The following SNX29 variants were observed in gnomAD, a reference collection of about 807,000 sequenced individuals.
SNX29 encodes the protein sorting nexin 29, also known as sorting nexin-29.
In SNX29, 78 loss-of-function variants were observed where a neutral mutation model predicts 102.1. The ratio of observed to expected loss-of-function variants is 0.76; its 90% CI spans 0.64 to 0.92. The LOEUF (loss-of-function observed/expected upper bound fraction) is 0.92. Among genes scored for constraint, SNX29 ranks in the 40% least tolerant of loss-of-function variants. SNX29 has a pLI of 0.00. For synonymous variants in SNX29, 580 were observed against 414.5 expected (o/e 1.40, Z -4.85); for missense variants, 1,280 against 1,061.7 (o/e 1.21, Z -2.86).
At chr16:12,411,444 C>G (rs1422478417) in intron 18 of SNX29, among the ~76,000 whole-genome samples, 1 of 152,190 alleles carries the variant, frequency 6.6e-6, no homozygotes, top group East Asian at 1.9e-4. Flanking sequence ...CCCAGGAAAG[C>G]CTGATGTAGG....
At position 12,540,117 on chromosome 16, in the gene SNX29, C is replaced by T. The variant is rs75625366; in HGVS notation, c.2318+15276C>T. On this transcript the variant is annotated intron_variant, in intron 20 of 20. Coordinates refer to ENST00000566228, the MANE Select transcript of SNX29 (RefSeq NM_032167.5). Reference sequence around the variant, plus strand: ...CCTAAACCCAGGTCATAAAGATTTTCTCCTAGGTTTTCCTCAAAGTTTTAT... The same window carrying T: ...CCTAAACCCAGGTCATAAAGATTTTTTCCTAGGTTTTCCTCAAAGTTTTAT... 3.7e-4 allele frequency among the ~76,000 whole-genome samples: 57 copies of T among 152,296 alleles called. 3 individuals are homozygous for T. The East Asian group carries it at 8.1e-3, about 22-fold the overall frequency.
intron 13 of SNX29, among the ~76,000 whole-genome samples, chr16:12,158,196 A>T (rs1408417067): frequency 1.3e-5 from 2 of 151,034 alleles, no homozygotes; most frequent in African/African-American, 4.9e-5. Flanking sequence ...TAATTTTTTT[A>T]ATTTTTTTAT....
intron 14 of SNX29, among the ~76,000 whole-genome samples, chr16:12,221,078 C>T (rs1008677098): frequency 4.6e-5 from 7 of 152,120 alleles, no homozygotes; most frequent in Non-Finnish European, 8.8e-5. Flanking sequence ...GTTTGTAGTT[C>T]TTGCCCATAT....
At chr16:12,043,707 A>C (rs2049977273) in intron 5 of SNX29, among the ~76,000 whole-genome samples, 1 of 151,638 alleles carries the variant, frequency 6.6e-6, no homozygotes, top group African/African-American at 2.4e-5. Context: ...AACTGAAAAA[A>C]ACATGGAAAT....
intron 11 of SNX29, among the ~76,000 whole-genome samples, chr16:12,102,501 A>G (rs1401838749): frequency 1.3e-5 from 2 of 152,106 alleles, no homozygotes; most frequent in Non-Finnish European, 2.9e-5. Context: ...TTTGATTTGC[A>G]TTTCTCTAAT....
intron 20 of SNX29, chr16:12,561,277 C>G (rs1414213570): frequency 4.3e-6 from 1 of 230,274 alleles, no homozygotes; most frequent in Non-Finnish European, 8.6e-6. Context: ...GGGGCTAAGA[C>G]ACAGGGAGAA....
At chr16:12,568,396 A>C (rs2079103777) in intron 20 of SNX29, 110 bp from the exon 21 acceptor site, 1 of 1,427,074 alleles carries the variant, frequency 7.0e-7, no homozygotes, top group Non-Finnish European at 9.5e-7. Context: ...TGAGCCAGTC[A>C]CAGTTGCCAA....
At chr16:12,536,691 C>T (rs1047005323) in intron 20 of SNX29, among the ~76,000 whole-genome samples, 1 of 152,100 alleles carries the variant, frequency 6.6e-6, no homozygotes, top group Non-Finnish European at 1.5e-5. Context: ...AAGAGGTGTT[C>T]AGGGGGCTGG....
intron 20 of SNX29, among the ~76,000 whole-genome samples, chr16:12,544,888 C>T (rs1478327720): frequency 6.6e-6 from 1 of 152,194 alleles, no homozygotes; most frequent in Non-Finnish European, 1.5e-5. Flanking sequence ...GGCCTGTGGT[C>T]AGTGGGCCAG....
At chr16:12,142,132 C>T (rs1348239984) in intron 13 of SNX29, among the ~76,000 whole-genome samples, 1 of 152,198 alleles carries the variant, frequency 6.6e-6, no homozygotes, top group African/African-American at 2.4e-5. Context: ...TGTGCAAGGT[C>T]CCTTTCAGTT....
rs377412993 is a variant in SNX29 at position 12,101,671 on chromosome 16, G to T, written c.1402+22756G>T. Among the ~76,000 whole-genome samples, 15 of 152,160 alleles carry T rather than the reference G, an allele frequency of 9.9e-5. No individual in the cohort carries two copies. The South Asian group carries it at 3.1e-3, about 32-fold the overall frequency. Reference sequence around the variant, plus strand: ...AGTGCTGGGATTGCTGGCACGAGTCGCTGTGCCTGGCCTGACCCCCAGTTT... The same window carrying T: ...AGTGCTGGGATTGCTGGCACGAGTCTCTGTGCCTGGCCTGACCCCCAGTTT... On this transcript the variant is annotated intron_variant, in intron 11 of 20. Coordinates refer to ENST00000566228, the MANE Select transcript of SNX29 (RefSeq NM_032167.5).
At chr16:12,072,217 T>G (rs1044513814) in intron 10 of SNX29, among the ~76,000 whole-genome samples, 6 of 152,188 alleles carry the variant, frequency 3.9e-5, no homozygotes, top group Non-Finnish European at 7.3e-5. Flanking sequence ...GAATAGGAGT[T>G]GTGAGAGAAG....
chr16:12,562,741 A>G (rs12931604), intron 20 of SNX29, among the ~76,000 whole-genome samples: 39,753 of 152,060 alleles, frequency 0.26, 5,780 homozygotes, highest in East Asian at 0.44. Flanking sequence ...CTTTTATGGC[A>G]TAGTTCCTTG....
At chr16:12,355,789 G>A (rs1378501383) in intron 15 of SNX29, among the ~76,000 whole-genome samples, 1 of 142,754 alleles carries the variant, frequency 7.0e-6, no homozygotes, top group Non-Finnish European at 1.5e-5. Flanking sequence ...CATAGCCAGG[G>A]CTCTGGTGTC....
intron 14 of SNX29, among the ~76,000 whole-genome samples, chr16:12,269,262 C>G (rs1303441526): frequency 6.6e-6 from 1 of 152,128 alleles, no homozygotes; most frequent in East Asian, 1.9e-4. Flanking sequence ...GGATTTTTCC[C>G]GTGAATAAGG....
chr16:12,309,598 A>G (rs535540428), intron 15 of SNX29, among the ~76,000 whole-genome samples: 3 of 152,282 alleles, frequency 2.0e-5, no homozygotes, highest in Admixed American at 6.5e-5. Flanking sequence ...CCAGAGCCCA[A>G]TGTGGCACCT....
chr16:12,065,096 G>A (rs2050968189), intron 9 of SNX29, among the ~76,000 whole-genome samples: 1 of 152,202 alleles, frequency 6.6e-6, no homozygotes, highest in Non-Finnish European at 1.5e-5. Flanking sequence ...AACCCTGAAA[G>A]GAGTTCTCTT....
intron 9 of SNX29, among the ~76,000 whole-genome samples, chr16:12,062,743 A>C (rs1175506988): frequency 6.6e-6 from 1 of 152,192 alleles, no homozygotes; most frequent in African/African-American, 2.4e-5. Context: ...CTAATCACTC[A>C]GGAAGCTGTT....
At chr16:12,461,990 T>TATATATATATAA (rs2086811940) in intron 18 of SNX29, among the ~76,000 whole-genome samples, 1 of 61,076 alleles carries the variant, frequency 1.6e-5, no homozygotes, top group Non-Finnish European at 2.8e-5. Context: ...TATATATATA[T>TATATATATATAA]ATATATATAT....
Sources: allele counts gnomAD v4.1 joint callset (sites outside exome capture counted in the v4.1 genomes callset), GRCh38; gene constraint gnomAD v4.1.1; transcripts MANE v1.5; gene names NCBI Gene and HGNC (gene_info 2026-07-23, HGNC 2026-07-21).